C12orf42: variants seen among roughly 807,000 people sequenced by gnomAD.
The protein encoded by C12orf42 is chromosome 12 open reading frame 42, also known as uncharacterized protein C12orf42.
A neutral mutation model predicts 21.6 loss-of-function variants in C12orf42; 25 were observed. That is an observed-to-expected ratio of 1.16 (90% CI 0.84 to 1.62). The LOEUF is 1.62. Ranked by LOEUF, C12orf42 falls within the 40% of genes most tolerant of loss-of-function variation. The pLI is 0.00. For synonymous variants in C12orf42, 174 were observed against 175.0 expected, an observed-to-expected ratio of 0.99 and a Z score of 0.05; for missense variants, 483 against 459.3, an observed-to-expected ratio of 1.05 and a Z score of -0.47.
At chr12:103,323,547 A>T (rs1415000362) in intron 4 of C12orf42, among the ~76,000 whole-genome samples, 1 of 152,248 alleles carries the variant, frequency 6.6e-6, no homozygotes, top group Non-Finnish European at 1.5e-5. Context: ...CAGACAAAAT[A>T]AAATGAAGAA....
chr12:103,184,757 A>G, the C12orf42 span, among the ~76,000 whole-genome samples: 5 of 130,814 alleles, frequency 3.8e-5, no homozygotes, highest in African/African-American at 1.5e-4. Flanking sequence ...ACCCCCAGTA[A>G]CTCAGCATGT....
At chr12:103,211,427 T>C in the C12orf42 span, among the ~76,000 whole-genome samples, 1 of 152,156 alleles carries the variant, frequency 6.6e-6, no homozygotes, top group South Asian at 2.1e-4. Context: ...AGCCTGAGCC[T>C]GTTACTACTA....
At chr12:103,554,325 A>C in the C12orf42 span, among the ~76,000 whole-genome samples, 1 of 152,194 alleles carries the variant, frequency 6.6e-6, no homozygotes, top group Non-Finnish European at 1.5e-5. Context: ...TGGGGAGAAA[A>C]GGGATTATAT....
chr12:103,100,895 C>A, the C12orf42 span, among the ~76,000 whole-genome samples: 1 of 152,158 alleles, frequency 6.6e-6, no homozygotes, highest in African/African-American at 2.4e-5. Context: ...TTTTGGATGA[C>A]TAGGAGTACC....
chr12:103,524,863 G>C, the C12orf42 span, among the ~76,000 whole-genome samples: 1 of 149,508 alleles, frequency 6.7e-6, no homozygotes, highest in Non-Finnish European at 1.5e-5. Context: ...AGGACCTGCA[G>C]CTGGTTTTGA....
intron 4 of C12orf42, among the ~76,000 whole-genome samples, chr12:103,334,795 C>A (rs2041546318): frequency 6.6e-6 from 1 of 152,210 alleles, no homozygotes; most frequent in Non-Finnish European, 1.5e-5. Context: ...CTGCGCCAAC[C>A]ACCATATGGC....
At chr12:103,087,304 T>C in the C12orf42 span, among the ~76,000 whole-genome samples, 2 of 152,168 alleles carry the variant, frequency 1.3e-5, no homozygotes, top group Admixed American at 1.3e-4. Context: ...TGGTTCATGG[T>C]TTGCTTTGGT....
the C12orf42 span, among the ~76,000 whole-genome samples, chr12:103,101,362 A>G: frequency 6.6e-6 from 1 of 152,220 alleles, no homozygotes; most frequent in African/African-American, 2.4e-5. Context: ...GCTCAAGAGA[A>G]AAGTTGATTA....
At chr12:103,103,871 G>A in the C12orf42 span, among the ~76,000 whole-genome samples, 1 of 151,684 alleles carries the variant, frequency 6.6e-6, no homozygotes, top group African/African-American at 2.4e-5. Context: ...TGCGATCGCG[G>A]CTCACTGCAA....
chr12:103,282,033 T>C (rs2036173269), intron 4 of C12orf42, among the ~76,000 whole-genome samples: 1 of 152,230 alleles, frequency 6.6e-6, no homozygotes. Flanking sequence ...TATCTCCGTA[T>C]TCTCGAGTTA....
intron 1 of C12orf42, among the ~76,000 whole-genome samples, chr12:103,488,837 G>A (rs1274742610): frequency 6.6e-6 from 1 of 152,120 alleles, no homozygotes; most frequent in South Asian, 2.1e-4. Flanking sequence ...GTTTATTCTA[G>A]TTAGCCATTC....
the C12orf42 span, among the ~76,000 whole-genome samples, chr12:103,122,666 C>T: frequency 3.3e-5 from 5 of 152,130 alleles, no homozygotes; most frequent in Non-Finnish European, 7.4e-5. Flanking sequence ...AATGTGAGGG[C>T]TGAGGCTCTG....
At chr12:103,144,525 G>A in the C12orf42 span, among the ~76,000 whole-genome samples, 136 of 152,346 alleles carry the variant, frequency 8.9e-4, no homozygotes, top group African/African-American at 3.0e-3. Flanking sequence ...TTCTGATGCC[G>A]CCGTGGGCTA....
At chr12:103,182,294 G>A in the C12orf42 span, among the ~76,000 whole-genome samples, 1 of 152,108 alleles carries the variant, frequency 6.6e-6, no homozygotes, top group East Asian at 1.9e-4. Context: ...TCTTTTAAGG[G>A]ACTTGTAAAT....
chr12:103,273,937 A>G, intron 5 of C12orf42: 1 of 456,120 alleles, frequency 2.2e-6, no homozygotes, highest in South Asian at 1.5e-5. Flanking sequence ...TCGCATACTC[A>G]CAGTAAGTAC....
downstream of C12orf42, chr12:103,267,916 T>C (rs1056474899): frequency 6.6e-6 from 1 of 152,198 alleles, no homozygotes; most frequent in South Asian, 2.1e-4. Context: ...ACATAAACTT[T>C]AGTTGTTATT....
At chr12:103,511,070 G>A in the C12orf42 span, among the ~76,000 whole-genome samples, 2 of 152,142 alleles carry the variant, frequency 1.3e-5, no homozygotes. Flanking sequence ...TGCAGGTGAG[G>A]TTCTGACTTT....
At chr12:103,397,264 T>G (rs1224895746) in intron 3 of C12orf42, among the ~76,000 whole-genome samples, 1 of 152,240 alleles carries the variant, frequency 6.6e-6, no homozygotes, top group Non-Finnish European at 1.5e-5. Flanking sequence ...CTCCTGTTAA[T>G]GAACATGTGC....
At chr12:103,405,725 C>T (rs770378408) in intron 2 of C12orf42, among the ~76,000 whole-genome samples, 3 of 152,148 alleles carry the variant, frequency 2.0e-5, no homozygotes, top group Non-Finnish European at 4.4e-5. Flanking sequence ...GAGACTGGAA[C>T]GGAAACCAGG....
Sources: gnomAD v4.1 joint callset for allele counts (sites outside exome capture counted in the v4.1 genomes callset) on GRCh38, gnomAD v4.1.1 for gene constraint, MANE v1.5 for transcripts, NCBI Gene and HGNC (gene_info 2026-07-23, HGNC 2026-07-21) for gene names.